Variants in PBX3 observed in about 807,000 individuals in gnomAD.
The protein encoded by PBX3 is PBX homeobox 3, also known as pre-B-cell leukemia transcription factor 3.
Under a neutral mutation model 48.5 loss-of-function variants are expected in PBX3, and 14 were observed. That is an observed-to-expected ratio of 0.29 (90% CI 0.19 to 0.45). PBX3 has a LOEUF of 0.45. Among genes scored for constraint, PBX3 ranks in the 20% least tolerant of loss-of-function variants. PBX3 has a pLI of 1.00. For synonymous variants in PBX3, 210 were observed against 200.3 expected, an observed-to-expected ratio of 1.05 and a Z score of -0.41; for missense variants, 386 against 546.7, an observed-to-expected ratio of 0.71 and a Z score of 2.93.
chr9:125,942,818 G>T (rs935287456), intron 5 of PBX3, among the ~76,000 whole-genome samples: 1 of 152,172 alleles, frequency 6.6e-6, no homozygotes, highest in Non-Finnish European at 1.5e-5. Context: ...GAATAAAAGA[G>T]CAGGTTGTAA....
Position 125,840,269 on chromosome 9 carries a change from G to T in PBX3, c.275-75417G>T, listed in dbSNP as rs1188588716. Among the ~76,000 whole-genome samples the T allele has an allele frequency of 2.0e-5, 3 of 151,948 alleles. No homozygotes were observed. The East Asian group carries it at 5.8e-4, about 29-fold the overall frequency. The stretch of plus-strand genomic sequence containing the variant: ...GGAGTTTTTTATTTTTCATTTTTTA[G>T]CACACTGGAAATGTGTCCATTGTGT... On this transcript the variant is annotated intron_variant, in intron 2 of 8. Transcript: ENST00000373489.
At chr9:125,841,035 T>G (rs1481503692) in intron 2 of PBX3, among the ~76,000 whole-genome samples, 6 of 152,286 alleles carry the variant, frequency 3.9e-5, no homozygotes, top group African/African-American at 1.4e-4. Context: ...TAAATTATTA[T>G]GTACTAACAC....
intron 2 of PBX3, among the ~76,000 whole-genome samples, chr9:125,796,459 G>A (rs1001490945): frequency 5.9e-5 from 9 of 152,136 alleles, no homozygotes; most frequent in Non-Finnish European, 1.2e-4. Flanking sequence ...TTAAAGTTGA[G>A]TGGAAATTTT....
chr9:125,927,439 G>A (rs1841602394), intron 3 of PBX3, among the ~76,000 whole-genome samples: 1 of 152,162 alleles, frequency 6.6e-6, no homozygotes, highest in African/African-American at 2.4e-5. Context: ...GTTCAGGAAA[G>A]GTTAGTCCTC....
chr9:125,874,354 G>A (rs1482299020), intron 2 of PBX3, among the ~76,000 whole-genome samples: 1 of 152,014 alleles, frequency 6.6e-6, no homozygotes, highest in African/African-American at 2.4e-5. Flanking sequence ...TAATATAACC[G>A]TGATATTGAA....
At chr9:125,901,292 A>G (rs1347264269) in intron 2 of PBX3, among the ~76,000 whole-genome samples, 1 of 151,708 alleles carries the variant, frequency 6.6e-6, no homozygotes, top group Admixed American at 6.6e-5. Context: ...CCATTTATAG[A>G]TTATTATCTA....
At chr9:125,919,231 T>A (rs76368903) in intron 3 of PBX3, among the ~76,000 whole-genome samples, 2 of 151,956 alleles carry the variant, frequency 1.3e-5, no homozygotes, top group Admixed American at 6.6e-5. Context: ...TTTTTTTTTT[T>A]AAGACAGAAT....
chr9:125,941,909 CT>C (rs1841966003), intron 5 of PBX3, among the ~76,000 whole-genome samples: 2 of 152,156 alleles, frequency 1.3e-5, no homozygotes, highest in Admixed American at 1.3e-4. Flanking sequence ...TGTATTTTCT[CT>C]GCTAGGTGTT....
At chr9:125,962,261 G>A (rs1355775363) in intron 7 of PBX3, 47 bp downstream of exon 7, 1 of 1,084,514 alleles carries the variant, frequency 9.2e-7, no homozygotes, top group South Asian at 1.3e-5. Context: ...GTAGGGTTTG[G>A]GCTCAAAACT....
intron 2 of PBX3, among the ~76,000 whole-genome samples, chr9:125,893,603 A>G (rs1454524357): frequency 6.6e-6 from 1 of 150,842 alleles, no homozygotes; most frequent in African/African-American, 2.4e-5. Flanking sequence ...ATTGTTTGAA[A>G]GAATGCTGTA....
rs374195121 is a variant in PBX3 at position 125,793,357 on chromosome 9, GAA to G, written c.274+44743_274+44744del. On this transcript the variant is annotated intron_variant, in intron 2 of 8. Transcript: ENST00000373489. Reference sequence around the variant, plus strand: ...ACAGAGTGAGACTCCATTTGGGGGGGAAAAAAAAAATATATATATATATATAT... The same window carrying G: ...ACAGAGTGAGACTCCATTTGGGGGGGAAAAAAAATATATATATATATATAT... Among the ~76,000 whole-genome samples, 440 of 109,014 alleles carry G rather than the reference GAA, an allele frequency of 4.0e-3. 14 individuals carry two copies. The highest frequency in any genetic ancestry group is 0.015 in the African/African-American group (387 of 25,406). The allele number at this position is 109,014 out of a possible 152,430, so 71.5% of individuals were successfully genotyped here.
chr9:125,811,371 T>A (rs1838284900), intron 2 of PBX3, among the ~76,000 whole-genome samples: 1 of 152,210 alleles, frequency 6.6e-6, no homozygotes. Flanking sequence ...CACCTTGAAT[T>A]GTAATAATCT....
intron 2 of PBX3, among the ~76,000 whole-genome samples, chr9:125,781,020 C>T (rs1837290093): frequency 8.1e-6 from 1 of 123,204 alleles, no homozygotes; most frequent in East Asian, 2.5e-4. Flanking sequence ...GGCAGAGACG[C>T]TCCTCACTTT....
rs373807398 is a variant in PBX3 at position 125,918,917 on chromosome 9, G to A, written c.516+2990G>A. Among the ~76,000 whole-genome samples, 15 of 152,294 alleles carry A rather than the reference G, an allele frequency of 9.8e-5. No individual in the cohort carries two copies. In the South Asian group the frequency reaches 2.9e-3, roughly 29 times the overall value. ...AGACATGCTTTGGCGTTACAAGAAG[G>A]ACTAGGCAGAGCTAAGAAGGGATAG... On this transcript the variant is annotated intron_variant, in intron 3 of 8. Transcript: ENST00000373489.
intron 2 of PBX3, among the ~76,000 whole-genome samples, chr9:125,858,224 G>A (rs1413464325): frequency 6.6e-6 from 1 of 152,132 alleles, no homozygotes; most frequent in Non-Finnish European, 1.5e-5. Context: ...AATTATCTGA[G>A]CGTAGTGTTG....
intron 3 of PBX3, among the ~76,000 whole-genome samples, chr9:125,926,134 C>T (rs749281576): frequency 1.3e-5 from 2 of 152,180 alleles, no homozygotes; most frequent in Non-Finnish European, 2.9e-5. Flanking sequence ...ATTATATAAA[C>T]ATCTCCTTAG....
At chr9:125,762,045 A>G (rs1836682644) in intron 2 of PBX3, among the ~76,000 whole-genome samples, 1 of 152,214 alleles carries the variant, frequency 6.6e-6, no homozygotes, top group African/African-American at 2.4e-5. Flanking sequence ...TTGCAGGGGC[A>G]GTTTATATTC....
chr9:125,780,507 G>A (rs1220675550), intron 2 of PBX3, among the ~76,000 whole-genome samples: 1 of 137,094 alleles, frequency 7.3e-6, no homozygotes, highest in East Asian at 2.4e-4. Context: ...GTCTGGCCGG[G>A]TGGGGGGCTA....
At position 125,915,698 on chromosome 9, in the gene PBX3, G is replaced by A; in HGVS notation, c.287G>A (p.Arg96Lys). The A allele has an allele frequency of 6.2e-7, 1 of 1,610,564 alleles. No individual in the cohort carries two copies. Among genetic ancestry groups the A allele is most frequent in the Non-Finnish European group, 8.5e-7 (1 of 1,177,716 alleles). The change falls in exon 3 of 9, where the codon AGA becomes AAA. Residue 96 changes from arginine to lysine, a missense_variant. Arg to Lys is a conservative substitution (Grantham distance 26, BLOSUM62 2). Transcript: ENST00000373489. ...EIKEKTGLSI[R>K]GAQEEDPPDP... The stretch of plus-strand genomic sequence containing the variant: ...TCTTTCCTTGAAGGTCTCAGCATCA[G>A]AGGAGCCCAGGAGGAGGACCCTCCC...
Sources: allele counts gnomAD v4.1 joint callset (sites outside exome capture counted in the v4.1 genomes callset), GRCh38; gene constraint gnomAD v4.1.1; transcripts MANE v1.5; gene names NCBI Gene and HGNC (gene_info 2026-07-23, HGNC 2026-07-21).